SMIM14: variants seen among roughly 807,000 people sequenced by gnomAD.
SMIM14 encodes the protein chromosome 4 open reading frame 34.
Under a neutral mutation model 12.6 loss-of-function variants are expected in SMIM14, and 5 were observed. The ratio of observed to expected loss-of-function variants is 0.40; its 90% CI spans 0.21 to 0.83. The LOEUF is 0.83. Ranked by LOEUF, SMIM14 falls within the 40% of genes least tolerant of loss-of-function variation. The pLI is 0.37. For synonymous variants in SMIM14, 30 were observed against 40.1 expected, an observed-to-expected ratio of 0.75 and a Z score of 0.95; for missense variants, 86 against 119.1, an observed-to-expected ratio of 0.72 and a Z score of 1.29.
At chr4:39,606,556 G>A (rs1057207931) in intron 1 of SMIM14, among the ~76,000 whole-genome samples, 3 of 150,246 alleles carry the variant, frequency 2.0e-5, no homozygotes, top group East Asian at 2.0e-4. Context: ...CAGGAGAATC[G>A]CTTGAATCCG....
At chr4:39,557,323 A>AT (rs1560281932) in intron 3 of SMIM14, among the ~76,000 whole-genome samples, 4 of 151,410 alleles carry the variant, frequency 2.6e-5, no homozygotes, top group Admixed American at 2.6e-4. Flanking sequence ...CACACCCCTA[A>AT]TTTTTTTTAA....
chr4:39,554,654 CTTTTTTTTTTT>C (rs111326390), intron 4 of SMIM14, among the ~76,000 whole-genome samples: 1 of 95,194 alleles, frequency 1.1e-5, no homozygotes, highest in Non-Finnish European at 2.0e-5. Context: ...GGAAATTTTC[CTTTTTTTTTTT>C]TTTTTTTTTT....
At chr4:39,573,824 G>A (rs1372809471) in intron 2 of SMIM14, among the ~76,000 whole-genome samples, 1 of 152,114 alleles carries the variant, frequency 6.6e-6, no homozygotes, top group Non-Finnish European at 1.5e-5. Flanking sequence ...GTACAATGGG[G>A]GAGTAGAGAA....
intron 1 of SMIM14, among the ~76,000 whole-genome samples, chr4:39,621,686 CTTTTTTTT>C (rs57206633): frequency 3.8e-5 from 4 of 105,448 alleles, no homozygotes; most frequent in African/African-American, 1.0e-4. Flanking sequence ...CCAAACGTTT[CTTTTTTTT>C]TTTTTTTTTT....
chr4:39,631,013 C>A (rs1292381889), intron 1 of SMIM14, among the ~76,000 whole-genome samples: 6 of 152,060 alleles, frequency 3.9e-5, no homozygotes, highest in African/African-American at 1.2e-4. Context: ...CCAAGAGTAA[C>A]AAAGCAGCAA....
chr4:39,565,636 T>C (rs1712532584), intron 3 of SMIM14, among the ~76,000 whole-genome samples: 1 of 152,180 alleles, frequency 6.6e-6, no homozygotes, highest in Admixed American at 6.6e-5. Flanking sequence ...TGAAGAGTTC[T>C]GAGCAAAATG....
At chr4:39,618,114 C>A (rs554377662) in intron 1 of SMIM14, among the ~76,000 whole-genome samples, 11 of 152,092 alleles carry the variant, frequency 7.2e-5, no homozygotes, top group Admixed American at 5.2e-4. Context: ...ACAAGTGAAG[C>A]CAGCATAGAA....
At chr4:39,573,280 T>C (rs1009287279) in intron 2 of SMIM14, among the ~76,000 whole-genome samples, 10 of 151,896 alleles carry the variant, frequency 6.6e-5, no homozygotes, top group African/African-American at 2.2e-4. Flanking sequence ...GTATTTTCAG[T>C]AGAGATGGGC....
chr4:39,589,703 C>G (rs1333215214), intron 2 of SMIM14: 1 of 152,090 alleles, frequency 6.6e-6, no homozygotes, highest in Non-Finnish European at 1.5e-5. Context: ...AATCCCCTCT[C>G]CAGGTTGTTT....
intron 3 of SMIM14, among the ~76,000 whole-genome samples, chr4:39,559,408 G>A (rs984517355): frequency 3.0e-4 from 46 of 151,196 alleles, no homozygotes; most frequent in African/African-American, 1.1e-3. Context: ...AGAAAAGAAA[G>A]GAAAAGAAAA....
At position 39,578,602 on chromosome 4, in the gene SMIM14, A is replaced by G. The variant is rs28520363; in HGVS notation, c.76-6139T>C. On this transcript the variant is annotated intron_variant, in intron 2 of 4. Coordinates refer to ENST00000295958, the MANE Select transcript of SMIM14 (RefSeq NM_174921.3). Reference sequence around the variant, plus strand: ...GTAGTTGCTGTCCAGGAAACCATTCATGTTAACACTGATGCCAAGAAAGAA... The same window carrying G: ...GTAGTTGCTGTCCAGGAAACCATTCGTGTTAACACTGATGCCAAGAAAGAA... Among the ~76,000 whole-genome samples the G allele has an allele frequency of 4.5e-3, 689 of 152,288 alleles. 5 individuals carry two copies. Among genetic ancestry groups the G allele is most frequent in the African/African-American group, 0.016 (654 of 41,562 alleles).
chr4:39,609,403 AT>A (rs1452630459), intron 1 of SMIM14, among the ~76,000 whole-genome samples: 2 of 152,186 alleles, frequency 1.3e-5, no homozygotes, highest in Non-Finnish European at 2.9e-5. Flanking sequence ...GTCAGGGAAG[AT>A]TTTACTGAAG....
intron 4 of SMIM14, among the ~76,000 whole-genome samples, chr4:39,552,507 C>T (rs1336409444): frequency 1.3e-5 from 2 of 152,180 alleles, no homozygotes; most frequent in Admixed American, 6.6e-5. Flanking sequence ...AAAATATCTT[C>T]ATCCCTCTTG....
intron 3 of SMIM14, among the ~76,000 whole-genome samples, chr4:39,569,207 A>G (rs1712735777): frequency 6.6e-6 from 1 of 152,162 alleles, no homozygotes; most frequent in African/African-American, 2.4e-5. Flanking sequence ...AACAATGCAC[A>G]TTTCTATTGC....
chr4:39,582,221 G>A (rs866901751), intron 2 of SMIM14, among the ~76,000 whole-genome samples: 5 of 152,260 alleles, frequency 3.3e-5, no homozygotes, highest in Middle Eastern at 3.4e-3. Context: ...TGGAAGAAGA[G>A]TACCCTCTGA....
chr4:39,616,640 T>TAAAA (rs1294298813), intron 1 of SMIM14, among the ~76,000 whole-genome samples: 1 of 97,950 alleles, frequency 1.0e-5, no homozygotes, highest in African/African-American at 3.3e-5. Flanking sequence ...TTCCTTACAT[T>TAAAA]TAAAAAAAAA....
intron 1 of SMIM14, among the ~76,000 whole-genome samples, chr4:39,627,990 G>A (rs2109253967): frequency 6.6e-6 from 1 of 152,324 alleles, no homozygotes; most frequent in South Asian, 2.1e-4. Context: ...AGGACCTCCT[G>A]TGTCATGGAG....
rs754327249 is a variant in SMIM14, at chr4:39,605,076, T to A, written c.70A>T (p.Asn24Tyr). The A allele has an allele frequency of 1.3e-6, 2 of 1,595,928 alleles. No homozygotes were observed. Among genetic ancestry groups the A allele is most frequent in the Non-Finnish European group, 1.7e-6 (2 of 1,166,402 alleles). Residue 24 changes from asparagine to tyrosine, a missense_variant, in exon 2 of 5, where the codon AAT (asparagine) becomes TAT (tyrosine). Transcript: ENST00000295958. ...SHEHAMRRLINLLRQSQSYCT... is the reference protein window; with the variant it reads ...SHEHAMRRLIYLLRQSQSYCT... The stretch of plus-strand genomic sequence containing the variant: ...ATTGTCCTGTTGCATCTCACCAGAT[T>A]GATCAGTCTTCTCATTGCATGTTCA...
intron 1 of SMIM14, among the ~76,000 whole-genome samples, chr4:39,630,126 C>T (rs963331136): frequency 6.6e-6 from 1 of 152,130 alleles, no homozygotes; most frequent in African/African-American, 2.4e-5. Flanking sequence ...GAGTGCTGAG[C>T]GCAGTGGCTC....
Sources: allele counts gnomAD v4.1 joint callset (sites outside exome capture counted in the v4.1 genomes callset), GRCh38; gene constraint gnomAD v4.1.1; transcripts MANE v1.5; gene names NCBI Gene and HGNC (gene_info 2026-07-23, HGNC 2026-07-21).